Variants in STXBP5L observed in about 807,000 individuals in gnomAD.
STXBP5L encodes the protein syntaxin binding protein 5L.
In STXBP5L, 65 loss-of-function variants were observed where a neutral mutation model predicts 144.5. The observed-to-expected ratio is 0.45, with a 90% CI of 0.37 to 0.55. STXBP5L has a LOEUF of 0.55. STXBP5L is among the 20% of genes least tolerant of loss of function. The pLI is 0.00. For synonymous variants in STXBP5L, 505 were observed against 469.6 expected (o/e 1.08, Z -0.97); for missense variants, 1,298 against 1,405.5 (o/e 0.92, Z 1.22).
At chr3:121,161,641 TTGC>T (rs1008754849) in intron 9 of STXBP5L, among the ~76,000 whole-genome samples, 1 of 152,052 alleles carries the variant, frequency 6.6e-6, no homozygotes, top group Non-Finnish European at 1.5e-5. Flanking sequence ...TTATAGCTGG[TTGC>T]TGCTGTTGCT....
chr3:121,005,072 A>T lies in STXBP5L; in HGVS notation c.288-36628A>T, dbSNP rs943502786. ...AGGATAATGCTGGCTTCATAAAATG[A>T]GTTAGGGAGGATTCCCTCTATTTCT... On this transcript the variant is annotated intron_variant, in intron 3 of 26. Coordinates refer to ENST00000471454, the MANE Select transcript of STXBP5L (RefSeq NM_001308330.2). Among the ~76,000 whole-genome samples the T allele has an allele frequency of 3.9e-5, 6 of 152,268 alleles. No homozygotes were observed. The East Asian group carries it at 9.6e-4, about 24-fold the overall frequency.
chr3:121,417,449 G>GTTT (rs199822272), intron 25 of STXBP5L, among the ~76,000 whole-genome samples: 1 of 150,246 alleles, frequency 6.7e-6, no homozygotes, highest in Non-Finnish European at 1.5e-5. Flanking sequence ...CAAAATAGCT[G>GTTT]TTTTTTTTTC....
intron 5 of STXBP5L, among the ~76,000 whole-genome samples, chr3:121,061,984 T>C (rs1413294986): frequency 6.6e-6 from 1 of 152,234 alleles, no homozygotes; most frequent in African/African-American, 2.4e-5. Context: ...AATATTGTTA[T>C]GTGTGAATTT....
chr3:121,290,947 G>A (rs531054470), intron 19 of STXBP5L, among the ~76,000 whole-genome samples: 5 of 152,112 alleles, frequency 3.3e-5, no homozygotes, highest in East Asian at 1.9e-4. Flanking sequence ...AACATTTTAC[G>A]GAATGGGGGA....
At chr3:121,089,581 C>G (rs1281169069) in intron 5 of STXBP5L, among the ~76,000 whole-genome samples, 2 of 151,446 alleles carry the variant, frequency 1.3e-5, no homozygotes, top group Non-Finnish European at 1.5e-5. Context: ...TGTGATTTGT[C>G]TGACTGTTTA....
At chr3:121,403,516 T>C (rs1051597465) in intron 22 of STXBP5L, among the ~76,000 whole-genome samples, 3 of 152,176 alleles carry the variant, frequency 2.0e-5, no homozygotes, top group African/African-American at 7.2e-5. Context: ...TATATAAATA[T>C]ATTGTTATAT....
chr3:121,124,760 C>A (rs2044626846), intron 7 of STXBP5L, among the ~76,000 whole-genome samples: 1 of 151,720 alleles, frequency 6.6e-6, no homozygotes, highest in Non-Finnish European at 1.5e-5. Context: ...TTATATATAT[C>A]TTTTTTGTTT....
intron 5 of STXBP5L, among the ~76,000 whole-genome samples, chr3:121,105,603 G>T (rs1420078998): frequency 6.6e-6 from 1 of 152,080 alleles, no homozygotes; most frequent in Non-Finnish European, 1.5e-5. Flanking sequence ...TACACTGTTG[G>T]TGGGAATGTA....
intron 3 of STXBP5L, among the ~76,000 whole-genome samples, chr3:120,990,168 A>G (rs1942696056): frequency 6.6e-6 from 1 of 152,152 alleles, no homozygotes; most frequent in African/African-American, 2.4e-5. Context: ...CCAATAACAG[A>G]CAAACAGAGA....
chr3:121,069,417 C>T (rs914368650), intron 5 of STXBP5L, among the ~76,000 whole-genome samples: 9 of 151,584 alleles, frequency 5.9e-5, no homozygotes, highest in Non-Finnish European at 1.0e-4. Flanking sequence ...AGATTGTTTC[C>T]ATTGTGAACT....
chr3:121,418,358 A>G lies in STXBP5L; in HGVS notation c.3248A>G (p.Lys1083Arg), dbSNP rs780000643. The part of the protein sequence containing the change: ...EELFGEASAG[K>R]ASRSLAQHIP... ...TCAGTTGGGGAAGCTTCGGCAGGAA[A>G]AGCATCCCGCAGCCTTGCGCAACAC... Residue 1083 changes from lysine to arginine, a missense_variant, in exon 26 of 27, where the codon AAA becomes AGA. Physicochemically the swap from Lys to Arg is conservative, Grantham distance 26. Transcript: ENST00000471454. 2 of 1,613,514 alleles carry G rather than the reference A, an allele frequency of 1.2e-6. No homozygotes were observed. Among genetic ancestry groups the G allele is most frequent in the Non-Finnish European group, 1.7e-6 (2 of 1,179,672 alleles).
intron 20 of STXBP5L, among the ~76,000 whole-genome samples, chr3:121,352,380 C>T (rs912908076): frequency 6.6e-6 from 1 of 152,038 alleles, no homozygotes; most frequent in African/African-American, 2.4e-5. Flanking sequence ...TTGTAGTTCT[C>T]CTTGAAGAGG....
intron 14 of STXBP5L, among the ~76,000 whole-genome samples, chr3:121,244,613 C>G (rs932793722): frequency 2.6e-5 from 4 of 151,900 alleles, no homozygotes; most frequent in Non-Finnish European, 5.9e-5. Flanking sequence ...CCCAAAGAAG[C>G]TCATAAAGAG....
intron 2 of STXBP5L, among the ~76,000 whole-genome samples, chr3:120,953,476 G>A (rs1259397409): frequency 6.6e-6 from 1 of 150,506 alleles, no homozygotes; most frequent in Non-Finnish European, 1.5e-5. Flanking sequence ...CTGCAGGTGT[G>A]CGCCATCATG....
chr3:121,195,091 T>C (rs933607661), intron 9 of STXBP5L, among the ~76,000 whole-genome samples: 1 of 151,448 alleles, frequency 6.6e-6, no homozygotes, highest in African/African-American at 2.4e-5. Flanking sequence ...AATTTTTGTA[T>C]TTTTTTTAAT....
intron 7 of STXBP5L, among the ~76,000 whole-genome samples, chr3:121,125,523 C>T (rs1288783690): frequency 6.6e-6 from 1 of 151,924 alleles, no homozygotes; most frequent in Non-Finnish European, 1.5e-5. Context: ...CATCTTTCCC[C>T]CAATATATCA....
At chr3:121,417,009 T>C (rs1456009464) in intron 25 of STXBP5L, among the ~76,000 whole-genome samples, 1 of 152,128 alleles carries the variant, frequency 6.6e-6, no homozygotes, top group Non-Finnish European at 1.5e-5. Context: ...TACTGATACA[T>C]GGTACAACAT....
At chr3:120,917,508 G>A (rs1025040602) in intron 2 of STXBP5L, among the ~76,000 whole-genome samples, 5 of 152,120 alleles carry the variant, frequency 3.3e-5, no homozygotes, top group African/African-American at 1.2e-4. Context: ...GAATGGTAGG[G>A]TGGGGAATAG....
At chr3:121,218,123 T>C (rs1257044215) in intron 10 of STXBP5L, among the ~76,000 whole-genome samples, 1 of 140,338 alleles carries the variant, frequency 7.1e-6, no homozygotes, top group Non-Finnish European at 1.5e-5. Flanking sequence ...TATAGTATAA[T>C]ATAATATGTA....
Sources: allele counts gnomAD v4.1 joint callset (sites outside exome capture counted in the v4.1 genomes callset), GRCh38; gene constraint gnomAD v4.1.1; transcripts MANE v1.5; gene names NCBI Gene and HGNC (gene_info 2026-07-23, HGNC 2026-07-21).